The following COL25A1 variants were observed in gnomAD, a reference collection of about 807,000 sequenced individuals.
COL25A1 encodes the protein collagen alpha-1(XXV) chain.
In COL25A1, 103 loss-of-function variants were observed where a neutral mutation model predicts 128.4. That is an observed-to-expected ratio of 0.80 (90% CI 0.68 to 0.94). The LOEUF (loss-of-function observed/expected upper bound fraction) is 0.94. Among genes scored for constraint, COL25A1 ranks in the 40% least tolerant of loss-of-function variants. The pLI is 0.00. For missense variants in COL25A1, 745 were observed against 840.0 expected, an observed-to-expected ratio of 0.89 and a Z score of 1.40; for synonymous variants, 279 against 277.2, an observed-to-expected ratio of 1.01 and a Z score of -0.06.
intron 6 of COL25A1, among the ~76,000 whole-genome samples, chr4:108,976,193 AT>A (rs1752427110): frequency 6.6e-6 from 1 of 152,136 alleles, no homozygotes; most frequent in South Asian, 2.1e-4. Context: ...GCTAAAGTTT[AT>A]TTTATAAGCC....
At chr4:108,961,154 A>G (rs977002640) in intron 8 of COL25A1, among the ~76,000 whole-genome samples, 1 of 152,214 alleles carries the variant, frequency 6.6e-6, no homozygotes, top group African/African-American at 2.4e-5. Context: ...GAGTATAAAC[A>G]AGAATAGGTT....
At chr4:108,947,783 A>G (rs926803770) in intron 8 of COL25A1, among the ~76,000 whole-genome samples, 1 of 152,228 alleles carries the variant, frequency 6.6e-6, no homozygotes, top group African/African-American at 2.4e-5. Flanking sequence ...AACAATGGCC[A>G]GTGTCACTGA....
intron 3 of COL25A1, among the ~76,000 whole-genome samples, chr4:109,145,904 T>C (rs1449278560): frequency 6.6e-6 from 1 of 152,190 alleles, no homozygotes; most frequent in Non-Finnish European, 1.5e-5. Flanking sequence ...ACCACTTGGA[T>C]ATATCTCCAA....
intron 3 of COL25A1, among the ~76,000 whole-genome samples, chr4:109,190,581 G>T (rs1775526481): frequency 6.6e-6 from 1 of 152,108 alleles, no homozygotes; most frequent in African/African-American, 2.4e-5. Flanking sequence ...TAAGACAGTA[G>T]GTTGGTCAGC....
chr4:108,834,820 T>G (rs1321043461), intron 31 of COL25A1, among the ~76,000 whole-genome samples: 1 of 152,212 alleles, frequency 6.6e-6, no homozygotes, highest in East Asian at 1.9e-4. Context: ...CAATCAAATT[T>G]AGCATTTCAG....
chr4:108,860,885 T>C, intron 23 of COL25A1, 42 bp downstream of exon 23: 8 of 1,569,422 alleles, frequency 5.1e-6, no homozygotes, highest in Non-Finnish European at 6.1e-6. Flanking sequence ...AAATCTGGGA[T>C]TGTAGGGAGC....
At chr4:109,087,342 A>G (rs1764493869) in intron 3 of COL25A1, among the ~76,000 whole-genome samples, 1 of 152,200 alleles carries the variant, frequency 6.6e-6, no homozygotes, top group Non-Finnish European at 1.5e-5. Flanking sequence ...CAAAGCAATA[A>G]AGGGGTCTGC....
chr4:109,086,244 A>G lies in COL25A1; in HGVS notation c.368-36065T>C, dbSNP rs116262410. Among the ~76,000 whole-genome samples, 1,401 of 152,336 alleles carry G rather than the reference A, an allele frequency of 9.2e-3. 25 individuals carry two copies. The highest frequency in any genetic ancestry group is 0.032 in the African/African-American group (1,338 of 41,580). The stretch of plus-strand genomic sequence containing the variant: ...TTGAACCTTTCACTATGAATAATGC[A>G]CAATTAACACACTGGCCAAAGGATG... On this transcript the variant is annotated intron_variant, in intron 3 of 37. Coordinates refer to ENST00000399132, the MANE Select transcript of COL25A1 (RefSeq NM_198721.4).
At chr4:108,962,180 C>T (rs573667631) in intron 8 of COL25A1, among the ~76,000 whole-genome samples, 2 of 149,954 alleles carry the variant, frequency 1.3e-5, no homozygotes, top group African/African-American at 2.4e-5. Flanking sequence ...TTCTCTACCT[C>T]GATTCTTTTT....
intron 6 of COL25A1, among the ~76,000 whole-genome samples, chr4:108,979,679 T>C (rs1466895236): frequency 6.6e-6 from 1 of 152,192 alleles, no homozygotes; most frequent in Non-Finnish European, 1.5e-5. Flanking sequence ...TTTTTATTCA[T>C]GAAATATAAC....
chr4:109,142,520 G>C (rs1416670718), intron 3 of COL25A1, among the ~76,000 whole-genome samples: 2 of 151,588 alleles, frequency 1.3e-5, no homozygotes, highest in Non-Finnish European at 2.9e-5. Context: ...GGGTGTTAAA[G>C]TCTCCCACTA....
At chr4:109,252,662 G>C (rs930048517) in intron 3 of COL25A1, among the ~76,000 whole-genome samples, 2 of 152,118 alleles carry the variant, frequency 1.3e-5, no homozygotes, top group Non-Finnish European at 2.9e-5. Flanking sequence ...CCAAGTCCCT[G>C]ACTGTCCAGA....
chr4:108,830,412 A>G (rs1732941186), intron 32 of COL25A1, among the ~76,000 whole-genome samples: 1 of 152,176 alleles, frequency 6.6e-6, no homozygotes, highest in Non-Finnish European at 1.5e-5. Context: ...GCACATCAAC[A>G]CTGAGGCATT....
chr4:109,060,425 A>G (rs1296813023), intron 3 of COL25A1, among the ~76,000 whole-genome samples: 1 of 152,034 alleles, frequency 6.6e-6, no homozygotes, highest in African/African-American at 2.4e-5. Context: ...GCTATGTCAG[A>G]CCCTAACAGT....
chr4:108,998,257 T>C (rs970715097), intron 6 of COL25A1, among the ~76,000 whole-genome samples: 1 of 152,190 alleles, frequency 6.6e-6, no homozygotes, highest in Non-Finnish European at 1.5e-5. Context: ...CTTAAGCTGA[T>C]AAGCAACTTC....
At chr4:109,100,817 A>G (rs183640903) in intron 3 of COL25A1, among the ~76,000 whole-genome samples, 26 of 152,294 alleles carry the variant, frequency 1.7e-4, no homozygotes, top group Non-Finnish European at 2.8e-4. Flanking sequence ...GAGATATGCT[A>G]TACACTGCAA....
chr4:108,893,047 G>A (rs966278211), intron 16 of COL25A1, among the ~76,000 whole-genome samples: 2 of 152,150 alleles, frequency 1.3e-5, no homozygotes, highest in East Asian at 3.9e-4. Flanking sequence ...AGACAGTTTG[G>A]TTGGCTCCAA....
chr4:108,850,936 TAGAGA>T (rs1236551026), intron 26 of COL25A1, among the ~76,000 whole-genome samples: 1 of 152,064 alleles, frequency 6.6e-6, no homozygotes, highest in Non-Finnish European at 1.5e-5. Flanking sequence ...CTTTGGACTG[TAGAGA>T]AGAGAAAAGT....
chr4:109,178,951 T>C (rs1340530847), intron 3 of COL25A1, among the ~76,000 whole-genome samples: 1 of 150,362 alleles, frequency 6.7e-6, no homozygotes, highest in Admixed American at 6.6e-5. Context: ...CTTTGTGACA[T>C]AAAGCCTCAA....
Sources: allele counts gnomAD v4.1 joint callset (sites outside exome capture counted in the v4.1 genomes callset), GRCh38; gene constraint gnomAD v4.1.1; transcripts MANE v1.5; gene names NCBI Gene and HGNC (gene_info 2026-07-23, HGNC 2026-07-21).